Variants in LAMA2 observed in about 807,000 individuals in gnomAD.
LAMA2 encodes laminin subunit alpha-2.
LAMA2 carries 269 observed loss-of-function variants against 364.8 expected under a neutral mutation model. That is an observed-to-expected ratio of 0.74 (90% CI 0.67 to 0.82). The LOEUF is 0.82. LAMA2 is among the 40% of genes least tolerant of loss of function. LAMA2 has a pLI of 0.00. For missense variants in LAMA2, 3,807 were observed against 3,873.2 expected (o/e 0.98, Z 0.45); for synonymous variants, 1,379 against 1,370.6 (o/e 1.01, Z -0.14).
intron 1 of LAMA2, among the ~76,000 whole-genome samples, chr6:128,978,313 T>C (rs1380650922): frequency 6.6e-6 from 1 of 152,072 alleles, no homozygotes; most frequent in East Asian, 1.9e-4. Context: ...CCACCTACTC[T>C]GTGCCTTAAG....
intron 29 of LAMA2, among the ~76,000 whole-genome samples, chr6:129,339,786 C>T (rs1701760298): frequency 2.0e-5 from 3 of 152,074 alleles, no homozygotes; most frequent in South Asian, 4.1e-4. Context: ...AGGCAGATCA[C>T]GGGGTCAAGA....
At chr6:129,502,590 A>G in intron 58 of LAMA2, 69 bp from the exon 59 acceptor site, 1 of 950,282 alleles carries the variant, frequency 1.1e-6, no homozygotes, top group Non-Finnish European at 1.7e-6. Flanking sequence ...AGAAACAATT[A>G]GACAGCATCA....
intron 35 of LAMA2, among the ~76,000 whole-genome samples, chr6:129,390,076 A>G (rs1298880019): frequency 6.6e-6 from 1 of 152,244 alleles, no homozygotes; most frequent in Non-Finnish European, 1.5e-5. Flanking sequence ...AACCAAAGAC[A>G]TATATAACGA....
chr6:129,190,145 T>A (rs1781443536), intron 10 of LAMA2, 60 bp from the exon 11 acceptor site: 3 of 1,540,242 alleles, frequency 1.9e-6, no homozygotes, highest in Non-Finnish European at 2.7e-6. Flanking sequence ...TATACAGACA[T>A]GGACGCAGCT....
intron 29 of LAMA2, among the ~76,000 whole-genome samples, chr6:129,336,143 A>G (rs1472325682): frequency 6.6e-6 from 1 of 152,204 alleles, no homozygotes; most frequent in African/African-American, 2.4e-5. Context: ...GAAAAAATAA[A>G]CAGTGCTCAT....
At chr6:129,166,291 G>A (rs558417876) in intron 9 of LAMA2, among the ~76,000 whole-genome samples, 37 of 152,288 alleles carry the variant, frequency 2.4e-4, no homozygotes, top group Non-Finnish European at 4.1e-4. Flanking sequence ...ATATAAAAGC[G>A]TTTGGGAGCT....
intron 32 of LAMA2, among the ~76,000 whole-genome samples, chr6:129,359,300 T>A (rs1213292955): frequency 6.7e-6 from 1 of 148,368 alleles, no homozygotes; most frequent in Non-Finnish European, 1.5e-5. Context: ...ATATATAAAA[T>A]ATATACATAT....
intron 20 of LAMA2, among the ~76,000 whole-genome samples, chr6:129,292,060 C>T (rs900958090): frequency 6.6e-6 from 1 of 152,132 alleles, no homozygotes; most frequent in Non-Finnish European, 1.5e-5. Context: ...AAATGTTACT[C>T]TTGGGGCTGG....
chr6:129,407,872 C>G (rs988779852), intron 40 of LAMA2, among the ~76,000 whole-genome samples: 1 of 152,162 alleles, frequency 6.6e-6, no homozygotes. Context: ...GCATGCTCTT[C>G]CTTGCCTTCA....
chr6:129,297,582 T>C, intron 20 of LAMA2, 103 bp from the exon 21 acceptor site: 1 of 1,059,300 alleles, frequency 9.4e-7, no homozygotes. Flanking sequence ...TCCTGATAAC[T>C]CCTAAGTTCC....
intron 1 of LAMA2, among the ~76,000 whole-genome samples, chr6:128,921,713 T>TTTTTTTTTTTTTTAA (rs1328311348): frequency 6.9e-6 from 1 of 144,832 alleles, no homozygotes; most frequent in African/African-American, 2.6e-5. Context: ...TTTTTTTTTT[T>TTTTTTTTTTTTTTAA]ATTATTATTA....
In LAMA2 at chr6:128,945,807, T is replaced by C. The variant is rs542148021; in HGVS notation, c.112+62450T>C. ...GTGTGATTGGAGCCTGTGAATATGA[T>C]GGGACATCATTCCCATGATTAGGTA... On this transcript the variant is annotated intron_variant, in intron 1 of 64. Coordinates refer to ENST00000421865, the MANE Select transcript of LAMA2 (RefSeq NM_000426.4). 4.5e-4 allele frequency among the ~76,000 whole-genome samples: 69 copies of C among 152,302 alleles called. 3 individuals carry two copies. The South Asian group carries it at 0.013, about 29-fold the overall frequency.
chr6:129,324,638 A>G (rs1231660594), intron 28 of LAMA2, among the ~76,000 whole-genome samples: 1 of 152,374 alleles, frequency 6.6e-6, no homozygotes, highest in African/African-American at 2.4e-5. Context: ...CCTACTACAC[A>G]CCTAGGCTAC....
chr6:129,136,758 A>G (rs1469454475), intron 4 of LAMA2, among the ~76,000 whole-genome samples: 1 of 152,210 alleles, frequency 6.6e-6, no homozygotes, highest in Admixed American at 6.5e-5. Context: ...TTCAGGAATG[A>G]CAAGTGCAAG....
intron 29 of LAMA2, 146 bp from the exon 30 acceptor site, chr6:129,342,197 C>G: frequency 1.5e-6 from 1 of 665,772 alleles, no homozygotes; most frequent in South Asian, 1.7e-5. Flanking sequence ...AGTTCTCTGT[C>G]AGTGATAAAG....
At chr6:128,983,827 G>A (rs1373210179) in intron 1 of LAMA2, among the ~76,000 whole-genome samples, 5 of 152,174 alleles carry the variant, frequency 3.3e-5, no homozygotes, top group African/African-American at 9.6e-5. Flanking sequence ...AATGGTAATG[G>A]CCTGAAATGA....
chr6:129,010,096 A>G (rs1433382274), intron 1 of LAMA2, among the ~76,000 whole-genome samples: 2 of 152,240 alleles, frequency 1.3e-5, no homozygotes, highest in Admixed American at 6.5e-5. Context: ...GGCAACAATA[A>G]TAAATCAGAT....
At chr6:128,969,786 A>C (rs1782078577) in intron 1 of LAMA2, among the ~76,000 whole-genome samples, 1 of 152,180 alleles carries the variant, frequency 6.6e-6, no homozygotes, top group Non-Finnish European at 1.5e-5. Flanking sequence ...CTATTTGGAT[A>C]AAACAAAAAA....
intron 32 of LAMA2, among the ~76,000 whole-genome samples, chr6:129,360,680 G>A (rs12211746): frequency 6.6e-6 from 1 of 152,138 alleles, no homozygotes; most frequent in East Asian, 1.9e-4. Flanking sequence ...TTTGGACACA[G>A]AAACATAAAA....
Sources: gnomAD v4.1 joint callset for allele counts (sites outside exome capture counted in the v4.1 genomes callset) on GRCh38, gnomAD v4.1.1 for gene constraint, MANE v1.5 for transcripts, NCBI Gene and HGNC (gene_info 2026-07-23, HGNC 2026-07-21) for gene names.